Variants in PTPRD observed in about 807,000 individuals in gnomAD.
PTPRD encodes the protein protein tyrosine phosphatase receptor type D.
In PTPRD, 34 loss-of-function variants were observed where a neutral mutation model predicts 214.5. That is an observed-to-expected ratio of 0.16 (90% confidence interval 0.12 to 0.21). The LOEUF is 0.21. Among genes scored for constraint, PTPRD ranks in the 10% least tolerant of loss-of-function variants. The pLI is 1.00. For synonymous variants in PTPRD, 1,128 were observed against 845.7 expected (o/e 1.33, Z -5.79); for missense variants, 2,545 against 2,398.7 (o/e 1.06, Z -1.27).
chr9:9,833,350 T>C (rs1390426905), intron 5 of PTPRD, among the ~76,000 whole-genome samples: 1 of 151,836 alleles, frequency 6.6e-6, no homozygotes, highest in African/African-American at 2.4e-5. Flanking sequence ...AAGTTTTTAT[T>C]AGGGAGTTTC....
chr9:9,535,844 G>A (rs981206849), intron 8 of PTPRD, among the ~76,000 whole-genome samples: 2 of 152,008 alleles, frequency 1.3e-5, no homozygotes, highest in African/African-American at 2.4e-5. Flanking sequence ...GGGTGTGTGT[G>A]TACACACAGG....
intron 14 of PTPRD, among the ~76,000 whole-genome samples, chr9:8,594,311 T>C (rs557255365): frequency 1.2e-4 from 19 of 152,336 alleles, no homozygotes; most frequent in African/African-American, 4.1e-4. Context: ...TTTTCTATAA[T>C]AGAAAACTTA....
chr9:10,342,215 G>A (rs776377919), intron 2 of PTPRD, among the ~76,000 whole-genome samples: 12 of 152,036 alleles, frequency 7.9e-5, no homozygotes, highest in Admixed American at 5.3e-4. Flanking sequence ...TCATGAGTGC[G>A]CCCTTGATAC....
At chr9:8,601,197 T>C (rs2094837274) in intron 14 of PTPRD, among the ~76,000 whole-genome samples, 1 of 152,140 alleles carries the variant, frequency 6.6e-6, no homozygotes, top group South Asian at 2.1e-4. Flanking sequence ...CACTATGTCA[T>C]ATGGCTTTAT....
intron 11 of PTPRD, among the ~76,000 whole-genome samples, chr9:8,744,540 C>G (rs1254476784): frequency 6.6e-6 from 1 of 152,184 alleles, no homozygotes; most frequent in African/African-American, 2.4e-5. Flanking sequence ...AGTGAAGTAG[C>G]TCAGGAATGG....
At chr9:10,066,168 A>T (rs529170330) in intron 3 of PTPRD, among the ~76,000 whole-genome samples, 1 of 151,790 alleles carries the variant, frequency 6.6e-6, no homozygotes, top group Non-Finnish European at 1.5e-5. Flanking sequence ...TAAGGCAACA[A>T]TTTTGGCACA....
rs1326578001 is a variant in PTPRD at position 9,190,538 on chromosome 9, T to C, written c.-202-7175A>G. Among the ~76,000 whole-genome samples, 4 of 152,146 alleles carry C rather than the reference T, an allele frequency of 2.6e-5. No homozygotes were observed. The East Asian group carries it at 5.8e-4, about 22-fold the overall frequency. On this transcript the variant is annotated intron_variant, in intron 9 of 45. Transcript: ENST00000381196. ...TTCTCAGGTATGTCTTTATCAGCAGTGTGAAAATGGACTAATACAACGAGT... is the reference window on the plus strand; with the variant it reads ...TTCTCAGGTATGTCTTTATCAGCAGCGTGAAAATGGACTAATACAACGAGT...
chr9:9,446,499 C>T (rs1212886112), intron 8 of PTPRD, among the ~76,000 whole-genome samples: 1 of 152,152 alleles, frequency 6.6e-6, no homozygotes, highest in South Asian at 2.1e-4. Flanking sequence ...ATCAATGTGG[C>T]CTTTGGCAAA....
At chr9:8,811,447 C>A (rs950224329) in intron 11 of PTPRD, among the ~76,000 whole-genome samples, 2 of 152,184 alleles carry the variant, frequency 1.3e-5, no homozygotes, top group African/African-American at 4.8e-5. Flanking sequence ...GGAAAAGGCC[C>A]ATCAGTGTTT....
intron 30 of PTPRD, among the ~76,000 whole-genome samples, chr9:8,473,955 C>T (rs1041710855): frequency 3.3e-5 from 5 of 152,192 alleles, no homozygotes; most frequent in African/African-American, 9.6e-5. Flanking sequence ...AGTCTAAATC[C>T]ACACATTTCA....
intron 7 of PTPRD, among the ~76,000 whole-genome samples, chr9:9,724,319 G>C (rs529852900): frequency 6.6e-6 from 1 of 152,244 alleles, no homozygotes; most frequent in East Asian, 1.9e-4. Context: ...AAACATCACA[G>C]TTACAGATTA....
chr9:10,193,213 T>C (rs1386173883), intron 3 of PTPRD, among the ~76,000 whole-genome samples: 1 of 152,154 alleles, frequency 6.6e-6, no homozygotes, highest in African/African-American at 2.4e-5. Flanking sequence ...TTTAAACTTT[T>C]ATGTAGTTTA....
intron 9 of PTPRD, among the ~76,000 whole-genome samples, chr9:9,353,683 G>C (rs1379942458): frequency 2.6e-5 from 4 of 151,564 alleles, no homozygotes; most frequent in Non-Finnish European, 5.9e-5. Flanking sequence ...TGAGCATCAA[G>C]TATTTTATAG....
intron 9 of PTPRD, among the ~76,000 whole-genome samples, chr9:9,350,620 G>C (rs888120444): frequency 1.3e-5 from 2 of 151,962 alleles, no homozygotes; most frequent in Admixed American, 6.6e-5. Flanking sequence ...TGGTGATGTA[G>C]TATCCTCTAT....
intron 39 of PTPRD, among the ~76,000 whole-genome samples, chr9:8,358,328 A>C (rs1500316): frequency 1.3e-5 from 2 of 151,950 alleles, no homozygotes; most frequent in East Asian, 1.9e-4. Flanking sequence ...TAGTTTAAAC[A>C]TAATTTAAAG....
intron 4 of PTPRD, among the ~76,000 whole-genome samples, chr9:9,982,924 G>A (rs997575614): frequency 6.6e-6 from 1 of 151,984 alleles, no homozygotes; most frequent in Non-Finnish European, 1.5e-5. Context: ...TTTCTGTATA[G>A]TTCTAAAGTT....
At chr9:8,995,956 G>A (rs28705114) in intron 11 of PTPRD, among the ~76,000 whole-genome samples, 9,144 of 151,966 alleles carry the variant, frequency 0.06, 311 homozygotes, top group Middle Eastern at 0.092. Flanking sequence ...TGATCATAAG[G>A]AGTTACAGTT....
intron 8 of PTPRD, among the ~76,000 whole-genome samples, chr9:9,508,024 C>G (rs1487758889): frequency 6.6e-6 from 1 of 151,370 alleles, no homozygotes; most frequent in Non-Finnish European, 1.5e-5. Flanking sequence ...ATAAAATTCT[C>G]AATATTTAAT....
intron 11 of PTPRD, among the ~76,000 whole-genome samples, chr9:8,754,203 A>G (rs1000866704): frequency 3.3e-5 from 5 of 152,200 alleles, no homozygotes; most frequent in African/African-American, 1.2e-4. Context: ...CTATGAATTC[A>G]CTGTAATCCC....
Sources: allele counts gnomAD v4.1 joint callset (sites outside exome capture counted in the v4.1 genomes callset), GRCh38; gene constraint gnomAD v4.1.1; transcripts MANE v1.5; gene names NCBI Gene and HGNC (gene_info 2026-07-23, HGNC 2026-07-21).